DHX8: variants seen among roughly 807,000 people sequenced by gnomAD.
The protein encoded by DHX8 is DEAH-box helicase 8, also known as ATP-dependent RNA helicase DHX8.
Under a neutral mutation model 140.7 loss-of-function variants are expected in DHX8, and 67 were observed. The ratio of observed to expected loss-of-function variants is 0.48; its 90% CI spans 0.39 to 0.58. The LOEUF is 0.58. DHX8 is among the 20% of genes least tolerant of loss of function. The pLI, the probability that DHX8 is intolerant of heterozygous loss-of-function variation, is 0.00. For synonymous variants in DHX8, 533 were observed against 553.2 expected, an observed-to-expected ratio of 0.96 and a Z score of 0.51; for missense variants, 887 against 1,550.7, an observed-to-expected ratio of 0.57 and a Z score of 7.19.
intron 11 of DHX8, among the ~76,000 whole-genome samples, chr17:43,504,076 C>CA (rs1215661836): frequency 6.7e-6 from 1 of 150,218 alleles, no homozygotes; most frequent in Non-Finnish European, 1.5e-5. Context: ...GACCCTGTCT[C>CA]AAAAAAATAA....
intron 3 of DHX8, among the ~76,000 whole-genome samples, chr17:43,542,484 C>A (rs1370659282): frequency 1.3e-5 from 2 of 152,134 alleles, no homozygotes; most frequent in East Asian, 3.9e-4. Flanking sequence ...CATAGCCAGA[C>A]ACATATTGGG....
intron 4 of DHX8, among the ~76,000 whole-genome samples, 190 bp from the exon 5 acceptor site, chr17:43,491,993 G>A (rs1031999044): frequency 7.2e-5 from 11 of 152,156 alleles, no homozygotes; most frequent in African/African-American, 2.7e-4. Flanking sequence ...GAGGGGATTT[G>A]TCAAATGTAG....
At chr17:43,522,304 GTGTCTTCACTAC>G in intron 22 of DHX8, 78 bp downstream of exon 22, 1 of 1,426,728 alleles carries the variant, frequency 7.0e-7, no homozygotes, top group Non-Finnish European at 9.6e-7. Context: ...TTTTGTGATT[GTGTCTTCACTAC>G]TCCCAGTATG....
At chr17:43,491,279 T>C in intron 4 of DHX8, 29 bp downstream of exon 4, 1 of 1,196,204 alleles carries the variant, frequency 8.4e-7, no homozygotes, top group East Asian at 2.6e-5. Context: ...GAGTGTCTAC[T>C]ATAAATATAT....
intron 12 of DHX8, 58 bp from the exon 13 acceptor site, chr17:43,506,945 G>A: frequency 7.6e-7 from 1 of 1,321,048 alleles, no homozygotes; most frequent in Non-Finnish European, 1.0e-6. Flanking sequence ...TCTGTTTAAT[G>A]ACCATATTTA....
chr17:43,517,063 T>C, intron 17 of DHX8, 104 bp from the exon 18 acceptor site: 1 of 1,255,294 alleles, frequency 8.0e-7, no homozygotes, highest in Non-Finnish European at 1.1e-6. Flanking sequence ...ACCCCATTTC[T>C]GATTTTGCCA....
At chr17:43,500,173 A>T (rs907125792) in intron 11 of DHX8, 70 bp downstream of exon 11, 1 of 1,510,200 alleles carries the variant, frequency 6.6e-7, no homozygotes, top group African/African-American at 1.4e-5. Context: ...GGGAGGGGTC[A>T]CTCCCGGCAC....
At chr17:43,520,643 G>C (rs1433224662) in intron 19 of DHX8, 108 bp from the exon 20 acceptor site, 1 of 1,356,880 alleles carries the variant, frequency 7.4e-7, no homozygotes, top group Admixed American at 2.1e-5. Flanking sequence ...GCATCATTAT[G>C]CTTTGGGAAA....
chr17:43,531,808 C>T (rs537368358), intron 2 of DHX8, among the ~76,000 whole-genome samples: 1 of 152,310 alleles, frequency 6.6e-6, no homozygotes, highest in Non-Finnish European at 1.5e-5. Flanking sequence ...TCATTCAAAT[C>T]CCTTTGTATT....
At chr17:43,540,949 G>A (rs1971490021) in intron 3 of DHX8, among the ~76,000 whole-genome samples, 2 of 152,162 alleles carry the variant, frequency 1.3e-5, no homozygotes, top group Non-Finnish European at 2.9e-5. Flanking sequence ...TTTCCATTGA[G>A]GTAATGGGCT....
At chr17:43,530,335 C>T, downstream of DHX8, 1 of 1,479,188 alleles carries the variant, frequency 6.8e-7, no homozygotes, top group Non-Finnish European at 9.0e-7. Context: ...CCACAAAATC[C>T]CAGGGAAAGT....
At chr17:43,517,416 T>G in intron 18 of DHX8, 94 bp downstream of exon 18, 1 of 1,384,824 alleles carries the variant, frequency 7.2e-7, no homozygotes, top group Non-Finnish European at 9.7e-7. Context: ...TGTTAAATAC[T>G]TTAGTAACCT....
intron 1 of DHX8, among the ~76,000 whole-genome samples, chr17:43,486,027 T>C (rs1357733683): frequency 1.3e-5 from 2 of 151,812 alleles, no homozygotes; most frequent in African/African-American, 2.4e-5. Context: ...CGAAACGCCA[T>C]TTCTACTAAA....
At chr17:43,510,316 G>A (rs1049154442) in intron 16 of DHX8, among the ~76,000 whole-genome samples, 3 of 152,264 alleles carry the variant, frequency 2.0e-5, no homozygotes, top group Admixed American at 2.0e-4. Context: ...CCAAAGCGCC[G>A]GGATTCCAGG....
rs1461414854 is a variant in DHX8, at chr17:43,507,023, C to A, written c.1749C>A (p.Ile583=). The change falls in exon 13 of 23, where the codon ATC becomes ATA. Residue 583 remains isoleucine (I), a synonymous_variant. Coordinates refer to ENST00000262415, the MANE Select transcript of DHX8 (RefSeq NM_004941.3). ...TTCAGGCCGTCCATGACAATCAGAT[C>A]CTGATTGTCATTGGTGAGACAGGAT... ...QLVQAVHDNQ[I]LIVIGETGSG... 2 of 1,607,320 alleles carry A rather than the reference C, an allele frequency of 1.2e-6. No homozygotes were observed. The highest frequency in any genetic ancestry group is 1.3e-5 in the African/African-American group (1 of 74,758).
downstream of DHX8, among the ~76,000 whole-genome samples, chr17:43,527,055 T>C (rs577419849): frequency 1.3e-5 from 2 of 152,226 alleles, no homozygotes; most frequent in South Asian, 4.2e-4. Context: ...GCGGTTTACA[T>C]AGCAGCTGGC....
rs182219492 is a variant in DHX8 at position 43,500,478 on chromosome 17, C to T, written c.1546+375C>T. Among the ~76,000 whole-genome samples the T allele has an allele frequency of 1.3e-4, 19 of 151,602 alleles. No homozygotes were observed. In the East Asian group the frequency reaches 3.7e-3, roughly 30 times the overall value. The stretch of plus-strand genomic sequence containing the variant: ...CTCCAGCCTGGGTGATAGAATGACA[C>T]TCCATCTCGAAAAAAAAATTTACCC... On this transcript the variant is annotated intron_variant, in intron 11 of 22. Coordinates refer to ENST00000262415, the MANE Select transcript of DHX8 (RefSeq NM_004941.3).
At chr17:43,514,563 T>G (rs1284704661) in intron 17 of DHX8, among the ~76,000 whole-genome samples, 1 of 152,154 alleles carries the variant, frequency 6.6e-6, no homozygotes, top group African/African-American at 2.4e-5. Flanking sequence ...CATTTAAAAA[T>G]GAATTACCCG....
intron 9 of DHX8, among the ~76,000 whole-genome samples, chr17:43,497,368 G>T (rs1968926234): frequency 6.6e-6 from 1 of 151,896 alleles, no homozygotes; most frequent in Non-Finnish European, 1.5e-5. Flanking sequence ...TTGGTTTTTG[G>T]TTAATCTTTG....
Sources: allele counts gnomAD v4.1 joint callset (sites outside exome capture counted in the v4.1 genomes callset), GRCh38; gene constraint gnomAD v4.1.1; transcripts MANE v1.5; gene names NCBI Gene and HGNC (gene_info 2026-07-23, HGNC 2026-07-21).